Variants in ANKRD42 observed in about 807,000 individuals in gnomAD.
The protein encoded by ANKRD42 is ankyrin repeat domain 42.
Under a neutral mutation model 51.5 loss-of-function variants are expected in ANKRD42, and 43 were observed. That is an observed-to-expected ratio of 0.83 (90% CI 0.65 to 1.08). ANKRD42 has a LOEUF of 1.08. Among genes scored for constraint, ANKRD42 ranks in the 50% least tolerant of loss-of-function variants. The pLI is 0.00. For synonymous variants in ANKRD42, 203 were observed against 213.0 expected, an observed-to-expected ratio of 0.95 and a Z score of 0.41; for missense variants, 608 against 629.3, an observed-to-expected ratio of 0.97 and a Z score of 0.36.
chr11:83,245,396 G>T, intron 9 of ANKRD42, 102 bp from the exon 10 acceptor site: 2 of 1,274,476 alleles, frequency 1.6e-6, no homozygotes, highest in South Asian at 1.6e-5. Context: ...AAACCATACA[G>T]ACACTAGTCT....
chr11:83,199,206 A>AG (rs1257994600), intron 2 of ANKRD42, among the ~76,000 whole-genome samples: 4 of 152,332 alleles, frequency 2.6e-5, no homozygotes, highest in Non-Finnish European at 5.9e-5. Context: ...GGAATGTTGC[A>AG]GGTACATTTG....
chr11:83,214,578 C>G (rs1300868425), intron 5 of ANKRD42: 61 of 980,070 alleles, frequency 6.2e-5, no homozygotes, highest in Non-Finnish European at 7.1e-5. Flanking sequence ...AAATCGCTCT[C>G]ATAAAATTAT....
At chr11:83,205,518 A>G (rs1245496423) in intron 2 of ANKRD42, among the ~76,000 whole-genome samples, 2 of 152,224 alleles carry the variant, frequency 1.3e-5, no homozygotes, top group Non-Finnish European at 2.9e-5. Context: ...TAAGTACTGT[A>G]TTATATTGAG....
chr11:83,230,712 G>A (rs1481034032), intron 7 of ANKRD42, among the ~76,000 whole-genome samples: 2 of 151,912 alleles, frequency 1.3e-5, no homozygotes, highest in South Asian at 2.1e-4. Context: ...TCAGCCTCCC[G>A]AGTAGCTGGG....
intron 8 of ANKRD42, among the ~76,000 whole-genome samples, chr11:83,239,877 A>C (rs570511155): frequency 6.6e-6 from 1 of 152,210 alleles, no homozygotes; most frequent in South Asian, 2.1e-4. Flanking sequence ...ATAACTTTGA[A>C]TCTAGCATAA....
At chr11:83,258,110 A>G (rs376555688), downstream of ANKRD42, among the ~76,000 whole-genome samples, 38 of 152,354 alleles carry the variant, frequency 2.5e-4, no homozygotes, top group East Asian at 4.8e-3. Context: ...GGGCAACACC[A>G]GGATGGCAGA....
chr11:83,255,026 A>G (rs1466150347), intron 11 of ANKRD42, among the ~76,000 whole-genome samples: 1 of 152,228 alleles, frequency 6.6e-6, no homozygotes, highest in Non-Finnish European at 1.5e-5. Flanking sequence ...GTGTTCACAC[A>G]CTATTGAGTT....
intron 2 of ANKRD42, among the ~76,000 whole-genome samples, chr11:83,203,693 T>C (rs1861959026): frequency 6.6e-6 from 1 of 152,136 alleles, no homozygotes; most frequent in Non-Finnish European, 1.5e-5. Context: ...CGTCTGGCCC[T>C]AAATCTTTAC....
In ANKRD42 at chr11:83,225,060, GTAAT is replaced by G; in HGVS notation, c.787+9_787+12del. On this transcript the variant is annotated splice_donor_region_variant and intron_variant, in intron 6 of 10. Coordinates refer to ENST00000533342, the MANE Select transcript of ANKRD42 (RefSeq NM_001300975.2). ...AAGACCTAGAGGATCAGGAAAGTAA[GTAAT>G]TAAGTTATATGTTCTAGCATATAAT... 1.9e-6 allele frequency: 3 copies of G among 1,606,834 alleles called. No individual in the cohort carries two copies. The highest frequency in any genetic ancestry group is 2.6e-6 in the Non-Finnish European group (3 of 1,174,548).
At chr11:83,225,078 C>T in intron 6 of ANKRD42, 23 bp downstream of exon 6, 1 of 1,560,344 alleles carries the variant, frequency 6.4e-7, no homozygotes, top group South Asian at 1.1e-5. Flanking sequence ...GTTATATGTT[C>T]TAGCATATAA....
At chr11:83,261,764 A>G, downstream of ANKRD42, 1 of 581,756 alleles carries the variant, frequency 1.7e-6, no homozygotes, top group South Asian at 2.5e-5. Flanking sequence ...ATCTCTTCTC[A>G]TTCTAAAACA....
chr11:83,248,335 ACTC>A lies in ANKRD42; in HGVS notation c.*132_*134del. ...CACACACACACACACACACACACAC[ACTC>A]TATATGTAACTATAACTTTCTAGAT... On this transcript the variant is annotated 3_prime_UTR_variant, in exon 11 of 11. Transcript: ENST00000533342. The A allele has an allele frequency of 1.6e-6, 2 of 1,243,188 alleles. No individual in the cohort carries two copies. The highest frequency in any genetic ancestry group is 2.0e-6 in the Non-Finnish European group (2 of 987,932). The allele number at this position is 1,243,188 out of a possible 1,614,324, so 77.0% of individuals were successfully genotyped here.
At chr11:83,226,028 G>T (rs1251441505) in intron 6 of ANKRD42, among the ~76,000 whole-genome samples, 2 of 152,134 alleles carry the variant, frequency 1.3e-5, no homozygotes, top group Admixed American at 1.3e-4. Flanking sequence ...AAAGCACTGG[G>T]ATTATAGGCA....
chr11:83,240,414 A>T (rs1863351380), intron 8 of ANKRD42, among the ~76,000 whole-genome samples: 1 of 152,238 alleles, frequency 6.6e-6, no homozygotes, highest in South Asian at 2.1e-4. Context: ...AACTGTAGGT[A>T]ATCAAGGAGG....
chr11:83,256,501 A>G (rs1259611089), downstream of ANKRD42, among the ~76,000 whole-genome samples: 2 of 152,180 alleles, frequency 1.3e-5, no homozygotes, highest in Non-Finnish European at 2.9e-5. Context: ...CTAAAAAACA[A>G]CTATGGCTTT....
intron 5 of ANKRD42, chr11:83,214,106 G>A (rs1013673031): frequency 6.6e-6 from 1 of 152,170 alleles, no homozygotes; most frequent in African/African-American, 2.4e-5. Context: ...GGCCACGCTG[G>A]TCTTGAACTC....
downstream of ANKRD42, among the ~76,000 whole-genome samples, chr11:83,250,262 A>AT (rs1182144463): frequency 2.0e-5 from 3 of 152,164 alleles, no homozygotes; most frequent in African/African-American, 7.2e-5. Context: ...CAATAGTATA[A>AT]TTTTTACTGA....
In ANKRD42 at chr11:83,224,879, A is replaced by G; in HGVS notation, c.611A>G (p.His204Arg). The G allele has an allele frequency of 1.2e-6, 2 of 1,603,896 alleles. No homozygotes were observed. The highest frequency in any genetic ancestry group is 1.7e-6 in the Non-Finnish European group (2 of 1,173,848). The change falls in exon 6 of 11, where the codon CAC becomes CGC. Residue 204 changes from histidine (H) to arginine (R), a missense_variant. Coordinates refer to ENST00000533342, the MANE Select transcript of ANKRD42 (RefSeq NM_001300975.2). ...GTTCACTTAGCAGCCATGGAAGGCC[A>G]CCTTCACTGTTTCAAATTCCTAGTC... The part of the protein sequence containing the change: ...LPVHLAAMEG[H>R]LHCFKFLVSR...
chr11:83,244,377 T>C (rs1256201656), intron 9 of ANKRD42, among the ~76,000 whole-genome samples: 1 of 152,212 alleles, frequency 6.6e-6, no homozygotes, highest in Admixed American at 6.5e-5. Context: ...GATTCAGGTA[T>C]ATGCAGTTTA....
Sources: gnomAD v4.1 joint callset for allele counts (sites outside exome capture counted in the v4.1 genomes callset) on GRCh38, gnomAD v4.1.1 for gene constraint, MANE v1.5 for transcripts, NCBI Gene and HGNC (gene_info 2026-07-23, HGNC 2026-07-21) for gene names.